Variants in PARP8 observed in about 807,000 individuals in gnomAD.
The protein encoded by PARP8 is poly(ADP-ribose) polymerase family member 8.
A neutral mutation model predicts 124.1 loss-of-function variants in PARP8; 51 were observed. That is an observed-to-expected ratio of 0.41 (90% confidence interval 0.33 to 0.52). The LOEUF (loss-of-function observed/expected upper bound fraction) is 0.52, where lower values mean the gene tolerates loss of function less well. PARP8 is among the 20% of genes least tolerant of loss of function. The pLI is 0.21. For synonymous variants in PARP8, 391 were observed against 361.5 expected (o/e 1.08, Z -0.93); for missense variants, 860 against 1,018.9 (o/e 0.84, Z 2.12).
At chr5:50,738,715 TAAAAA>T (rs71612375) in intron 2 of PARP8, among the ~76,000 whole-genome samples, 2 of 135,530 alleles carry the variant, frequency 1.5e-5, no homozygotes, top group Non-Finnish European at 1.6e-5. Context: ...GCTGATAAGT[TAAAAA>T]AAAAAAAAAA....
chr5:50,841,808 G>A (rs151249607), intron 25 of PARP8, among the ~76,000 whole-genome samples, 158 bp from the exon 26 acceptor site: 120 of 151,644 alleles, frequency 7.9e-4, no homozygotes, highest in Middle Eastern at 3.4e-3. Flanking sequence ...TCTGTGTTTC[G>A]CAATGAGAAC....
intron 2 of PARP8, among the ~76,000 whole-genome samples, chr5:50,748,261 A>G (rs1758834894): frequency 1.3e-5 from 2 of 151,854 alleles, no homozygotes; most frequent in Admixed American, 1.3e-4. Context: ...TTTAGGGTTA[A>G]TATATCATTT....
In PARP8 at chr5:50,728,799, A is replaced by G. The variant is rs533367996; in HGVS notation, c.147-21352A>G. On this transcript the variant is annotated intron_variant, in intron 2 of 25. Coordinates refer to ENST00000281631, the MANE Select transcript of PARP8 (RefSeq NM_024615.4). Reference sequence around the variant, plus strand: ...TAAAATGTTGCATAATGTATAAAGTATAATTTTGATGTCACTCTTAAAATG... The same window carrying G: ...TAAAATGTTGCATAATGTATAAAGTGTAATTTTGATGTCACTCTTAAAATG... Among the ~76,000 whole-genome samples the G allele has an allele frequency of 1.3e-3, 202 of 152,292 alleles. 1 individual carries two copies. Among genetic ancestry groups the G allele is most frequent in the African/African-American group, 4.8e-3 (200 of 41,580 alleles).
chr5:50,822,282 G>T (rs1447988996), intron 16 of PARP8, 53 bp from the exon 17 acceptor site: 5 of 1,270,316 alleles, frequency 3.9e-6, no homozygotes, highest in Non-Finnish European at 5.8e-6. Context: ...ATACAGACTT[G>T]CAAGAGCTTA....
In PARP8 at chr5:50,760,272, A is replaced by G; in HGVS notation, c.275-20A>G. 3 of 1,482,080 alleles carry G rather than the reference A, an allele frequency of 2.0e-6. No homozygotes were observed. The highest frequency in any genetic ancestry group is 2.7e-6 in the Non-Finnish European group (3 of 1,096,844). 91.8% of individuals were successfully genotyped at this position (1,482,080 alleles called of 1,614,324 possible). The stretch of plus-strand genomic sequence containing the variant: ...CATACTAAGTATCATAATATTTTTT[A>G]AATTACAACTTTCTTTCAGAATTAA... On this transcript the variant is annotated intron_variant, in intron 4 of 25. Coordinates refer to ENST00000281631, the MANE Select transcript of PARP8 (RefSeq NM_024615.4).
intron 14 of PARP8, 123 bp downstream of exon 14, chr5:50,797,356 TTTAC>T: frequency 1.5e-6 from 1 of 663,098 alleles, no homozygotes; most frequent in Non-Finnish European, 2.4e-6. Context: ...GAGCAAATTA[TTTAC>T]ATATAATTTT....
chr5:50,671,516 A>C (rs199994493), intron 2 of PARP8, among the ~76,000 whole-genome samples: 1 of 146,734 alleles, frequency 6.8e-6, no homozygotes, highest in Non-Finnish European at 1.5e-5. Flanking sequence ...AAAAAAAAAA[A>C]TAAAAAAAAA....
At chr5:50,734,145 TCTTC>T (rs905099550) in intron 2 of PARP8, among the ~76,000 whole-genome samples, 1 of 152,212 alleles carries the variant, frequency 6.6e-6, no homozygotes, top group Non-Finnish European at 1.5e-5. Flanking sequence ...TTGAGCTCCA[TCTTC>T]CTTTTTTACG....
intron 7 of PARP8, among the ~76,000 whole-genome samples, chr5:50,767,926 A>G (rs1761213794): frequency 1.3e-5 from 2 of 152,228 alleles, no homozygotes. Context: ...TTGTTGAAAG[A>G]AGAAATAAAC....
intron 16 of PARP8, among the ~76,000 whole-genome samples, chr5:50,821,969 C>A (rs1033592882): frequency 2.0e-5 from 3 of 152,032 alleles, no homozygotes; most frequent in African/African-American, 7.2e-5. Context: ...AAAATAAAAG[C>A]GGTTGTGAGA....
At chr5:50,808,964 T>G (rs1744148210) in intron 14 of PARP8, among the ~76,000 whole-genome samples, 1 of 151,976 alleles carries the variant, frequency 6.6e-6, no homozygotes, top group South Asian at 2.1e-4. Context: ...GATATCAACT[T>G]CTGAAATACT....
At chr5:50,737,674 A>G (rs1757609147) in intron 2 of PARP8, among the ~76,000 whole-genome samples, 1 of 152,192 alleles carries the variant, frequency 6.6e-6, no homozygotes, top group Non-Finnish European at 1.5e-5. Flanking sequence ...TTGGGTCAAC[A>G]TTCTGTCTTC....
intron 2 of PARP8, chr5:50,744,780 T>C (rs544910281): frequency 2.6e-5 from 18 of 701,344 alleles, no homozygotes; most frequent in Middle Eastern, 2.3e-4. Flanking sequence ...AAGATGAGTA[T>C]GACTTTTAAA....
intron 22 of PARP8, among the ~76,000 whole-genome samples, chr5:50,830,275 A>G (rs1338042626): frequency 6.6e-6 from 1 of 152,214 alleles, no homozygotes; most frequent in Non-Finnish European, 1.5e-5. Flanking sequence ...AAGTACACAT[A>G]CATAATATCT....
chr5:50,723,473 C>T (rs1413710788), intron 2 of PARP8, among the ~76,000 whole-genome samples: 5 of 151,872 alleles, frequency 3.3e-5, no homozygotes, highest in Non-Finnish European at 7.4e-5. Context: ...TGAGAAGAGG[C>T]CTTTCCTTTC....
intron 14 of PARP8, among the ~76,000 whole-genome samples, chr5:50,813,713 A>G (rs981101530): frequency 2.0e-5 from 3 of 152,106 alleles, no homozygotes; most frequent in Admixed American, 6.6e-5. Flanking sequence ...CTTCAGTATG[A>G]TACTTGCTGT....
At chr5:50,793,025 C>T (rs879903873) in intron 10 of PARP8, among the ~76,000 whole-genome samples, 2 of 152,112 alleles carry the variant, frequency 1.3e-5, no homozygotes, top group Non-Finnish European at 2.9e-5. Flanking sequence ...TGATAATATA[C>T]GTACTACTAC....
rs545106676 is a variant in PARP8 at position 50,799,472 on chromosome 5, T to A, written c.1575+2239T>A. 3.3e-5 allele frequency among the ~76,000 whole-genome samples: 5 copies of A among 152,354 alleles called. No homozygotes were observed. In the South Asian group the frequency reaches 1.0e-3, roughly 32 times the overall value. On this transcript the variant is annotated intron_variant, in intron 14 of 25. Coordinates refer to ENST00000281631, the MANE Select transcript of PARP8 (RefSeq NM_024615.4). Reference sequence around the variant, plus strand: ...CCACATTGTCTTGATTAATGTTGCTTTATAGTAAGTTTGAAATCAAGAGGC... The same window carrying A: ...CCACATTGTCTTGATTAATGTTGCTATATAGTAAGTTTGAAATCAAGAGGC...
At chr5:50,767,473 T>C (rs1761167327) in intron 7 of PARP8, among the ~76,000 whole-genome samples, 1 of 152,184 alleles carries the variant, frequency 6.6e-6, no homozygotes. Context: ...ATAATCTAGA[T>C]GTAAGCTTCA....
Sources: allele counts gnomAD v4.1 joint callset (sites outside exome capture counted in the v4.1 genomes callset), GRCh38; gene constraint gnomAD v4.1.1; transcripts MANE v1.5; gene names NCBI Gene and HGNC (gene_info 2026-07-23, HGNC 2026-07-21).